Variants in CRISPLD2 observed in about 807,000 individuals in gnomAD.
CRISPLD2 encodes the protein cysteine-rich secretory protein LCCL domain-containing 2.
A neutral mutation model predicts 71.1 loss-of-function variants in CRISPLD2; 47 were observed. That is an observed-to-expected ratio of 0.66 (90% confidence interval 0.52 to 0.84). The LOEUF (loss-of-function observed/expected upper bound fraction) is 0.84. CRISPLD2 is among the 40% of genes least tolerant of loss of function. The probability of loss-of-function intolerance (pLI) is 0.00; values close to 1 mark genes in which losing one functional copy is unlikely to be tolerated. For synonymous variants in CRISPLD2, 317 were observed against 250.1 expected (o/e 1.27, Z -2.52); for missense variants, 830 against 651.1 (o/e 1.27, Z -2.99).
In CRISPLD2 at chr16:84,852,425, A is replaced by G. The variant is rs140591930; in HGVS notation, c.608+1742A>G. Among the ~76,000 whole-genome samples the G allele has an allele frequency of 6.5e-4, 99 of 152,294 alleles. No homozygotes were observed. The East Asian group carries it at 0.019, about 29-fold the overall frequency. On this transcript the variant is annotated intron_variant, in intron 5 of 14. Transcript: ENST00000262424. ...TGTGGTGTCTGGTGTGGGACCTCATATGAAGGGGGCCACACAGCACACTCC... is the reference window on the plus strand; with the variant it reads ...TGTGGTGTCTGGTGTGGGACCTCATGTGAAGGGGGCCACACAGCACACTCC...
At chr16:84,859,438 G>A (rs1469956653) in intron 6 of CRISPLD2, among the ~76,000 whole-genome samples, 1 of 152,124 alleles carries the variant, frequency 6.6e-6, no homozygotes, top group Non-Finnish European at 1.5e-5. Flanking sequence ...CGGTTTCCCT[G>A]GTACAAGGCC....
chr16:84,822,709 C>T (rs1014510631), intron 1 of CRISPLD2, among the ~76,000 whole-genome samples: 22 of 152,152 alleles, frequency 1.4e-4, no homozygotes, highest in Admixed American at 4.6e-4. Flanking sequence ...AACAGATGCT[C>T]AGACCTTCCA....
At chr16:84,838,220 T>C (rs1333704503) in intron 1 of CRISPLD2, among the ~76,000 whole-genome samples, 1 of 152,182 alleles carries the variant, frequency 6.6e-6, no homozygotes, top group Non-Finnish European at 1.5e-5. Flanking sequence ...TCCTGACAGC[T>C]TGCCTCGCTG....
In CRISPLD2 at chr16:84,854,114, G is replaced by A. The variant is rs903794158; in HGVS notation, c.609-615G>A. On this transcript the variant is annotated intron_variant, in intron 5 of 14. Transcript: ENST00000262424. Reference sequence around the variant, plus strand: ...TAGAGTGTGCCTAAGGCTCTGAGCCGGACAGCCTGTGTTCAAATCCCAGCC... The same window carrying A: ...TAGAGTGTGCCTAAGGCTCTGAGCCAGACAGCCTGTGTTCAAATCCCAGCC... Among the ~76,000 whole-genome samples the A allele has an allele frequency of 5.9e-5, 9 of 152,276 alleles. No individual in the cohort carries two copies. In the East Asian group the frequency reaches 1.2e-3, roughly 20 times the overall value.
chr16:84,897,860 G>T (rs1418062626), intron 14 of CRISPLD2, among the ~76,000 whole-genome samples: 4 of 152,166 alleles, frequency 2.6e-5, no homozygotes, highest in African/African-American at 9.7e-5. Flanking sequence ...CAGGTGATCC[G>T]CCTGCCTTGG....
intron 14 of CRISPLD2, among the ~76,000 whole-genome samples, chr16:84,897,646 T>G (rs2071717984): frequency 6.6e-6 from 1 of 152,164 alleles, no homozygotes; most frequent in Non-Finnish European, 1.5e-5. Context: ...TTTCAGAGTT[T>G]CGCTGTTTTG....
intron 14 of CRISPLD2, among the ~76,000 whole-genome samples, chr16:84,902,146 C>A (rs1263294118): frequency 6.6e-6 from 1 of 150,856 alleles, no homozygotes; most frequent in South Asian, 2.1e-4. Context: ...AGGCGCCATG[C>A]TGCCTTCTAG....
intron 6 of CRISPLD2, among the ~76,000 whole-genome samples, chr16:84,856,048 G>A (rs1917230398): frequency 6.6e-6 from 1 of 152,176 alleles, no homozygotes; most frequent in African/African-American, 2.4e-5. Context: ...GGTTATAGCT[G>A]GTATTGATGA....
At chr16:84,899,696 T>A (rs776180664) in intron 14 of CRISPLD2, among the ~76,000 whole-genome samples, 2 of 152,096 alleles carry the variant, frequency 1.3e-5, no homozygotes, top group Non-Finnish European at 2.9e-5. Context: ...GGTGAGCAGG[T>A]TGTTTAATGG....
intron 3 of CRISPLD2, among the ~76,000 whole-genome samples, chr16:84,847,273 G>A (rs1040248884): frequency 2.6e-5 from 4 of 152,240 alleles, no homozygotes; most frequent in African/African-American, 9.6e-5. Flanking sequence ...ACCTGGGCAG[G>A]TGTCATGGTG....
At chr16:84,891,804 T>C (rs2071665205) in intron 14 of CRISPLD2, among the ~76,000 whole-genome samples, 1 of 152,042 alleles carries the variant, frequency 6.6e-6, no homozygotes. Flanking sequence ...GAAGCAGCTT[T>C]CCCACCCGCC....
intron 13 of CRISPLD2, among the ~76,000 whole-genome samples, chr16:84,884,251 T>C (rs998098901): frequency 1.4e-4 from 21 of 152,204 alleles, no homozygotes; most frequent in South Asian, 4.1e-4. Flanking sequence ...CTGATCTTTA[T>C]CAGCTGAGTG....
chr16:84,873,236 G>A, intron 10 of CRISPLD2, 114 bp downstream of exon 10: 1 of 1,227,314 alleles, frequency 8.1e-7, no homozygotes, highest in Non-Finnish European at 1.1e-6. Context: ...CCTGCACTTT[G>A]GGAGGCAGAG....
Position 84,889,147 on chromosome 16 carries a change from A to G in CRISPLD2, c.1306-83A>G, listed in dbSNP as rs79254257. The G allele has an allele frequency of 5.8e-4, 914 of 1,589,088 alleles. 2 individuals are homozygous for G. In the African/African-American group the frequency reaches 0.01, roughly 17 times the overall value. ...CCACATCCCACCAGCCAGGTTGCCCAGCAGTGAATGATGGAGCCCCAGCTG... is the reference window on the plus strand; with the variant it reads ...CCACATCCCACCAGCCAGGTTGCCCGGCAGTGAATGATGGAGCCCCAGCTG... On this transcript the variant is annotated intron_variant, in intron 13 of 14. Transcript: ENST00000262424.
In CRISPLD2 at chr16:84,890,826, C is replaced by T. The variant is rs2071655458; in HGVS notation, c.1439+1463C>T. ...AAAGAAAAAAAGACCAAACAAAGTC[C>T]CTAGAAGTGAAATTCCTAAGTGGGG... is the stretch of plus-strand genomic sequence containing the variant. On this transcript the variant is annotated intron_variant, in intron 14 of 14. Coordinates refer to ENST00000262424, the MANE Select transcript of CRISPLD2 (RefSeq NM_031476.4). Among the ~76,000 whole-genome samples the T allele has an allele frequency of 2.0e-5, 3 of 152,098 alleles. No homozygotes were observed. In the South Asian group the frequency reaches 6.2e-4, roughly 32 times the overall value.
chr16:84,836,984 C>A (rs1916636775), intron 1 of CRISPLD2, among the ~76,000 whole-genome samples: 1 of 152,186 alleles, frequency 6.6e-6, no homozygotes, highest in Non-Finnish European at 1.5e-5. Flanking sequence ...CTGCGGGTTT[C>A]CTCCTCCATC....
Position 84,849,495 on chromosome 16 carries a change from C to G in CRISPLD2, c.470C>G (p.Pro157Arg). Residue 157 changes from proline to arginine, a missense_variant, in exon 4 of 15, where the codon CCC becomes CGC. Pro to Arg is a moderately radical substitution (Grantham distance 103). Coordinates refer to ENST00000262424, the MANE Select transcript of CRISPLD2 (RefSeq NM_031476.4). ...NPWCPERCSG[P>R]MCTHYTQIVW... Reference sequence around the variant, plus strand: ...TGGTGTCCAGAGAGGTGCTCGGGGCCCATGTGCACGCACTACACACAGGTA... The same window carrying G: ...TGGTGTCCAGAGAGGTGCTCGGGGCGCATGTGCACGCACTACACACAGGTA... 1.2e-6 allele frequency: 2 copies of G among 1,614,166 alleles called. No homozygotes were observed. Among genetic ancestry groups the G allele is most frequent in the Middle Eastern group, 1.7e-4 (1 of 6,050 alleles).
At chr16:84,857,122 G>A (rs1042393340) in intron 6 of CRISPLD2, among the ~76,000 whole-genome samples, 1 of 152,214 alleles carries the variant, frequency 6.6e-6, no homozygotes, top group African/African-American at 2.4e-5. Context: ...CTTTGCTGCT[G>A]GCAAATTGGG....
Position 84,838,430 on chromosome 16 carries a change from C to A in CRISPLD2, c.-66C>A. On this transcript the variant is annotated 5_prime_UTR_variant, in exon 2 of 15. Coordinates refer to ENST00000262424, the MANE Select transcript of CRISPLD2 (RefSeq NM_031476.4). ...CCTCTGCTTCCTTTCAGAGCTCAAG[C>A]GCCCAGCTCTGCCCGAGGAGCCCAG... The A allele has an allele frequency of 1.3e-6, 2 of 1,561,860 alleles. No individual in the cohort carries two copies. The highest frequency in any genetic ancestry group is 1.2e-5 in the South Asian group (1 of 82,856).
Sources: gnomAD v4.1 joint callset for allele counts (sites outside exome capture counted in the v4.1 genomes callset) on GRCh38, gnomAD v4.1.1 for gene constraint, MANE v1.5 for transcripts, NCBI Gene and HGNC (gene_info 2026-07-23, HGNC 2026-07-21) for gene names.